The following PLCG2 variants were observed in gnomAD, a reference collection of about 807,000 sequenced individuals.
PLCG2 encodes phospholipase C gamma 2.
PLCG2 carries 69 observed loss-of-function variants against 175.6 expected under a neutral mutation model. The observed-to-expected ratio is 0.39, with a 90% CI of 0.32 to 0.48. The LOEUF is 0.48. PLCG2 is among the 20% of genes least tolerant of loss of function. The probability of loss-of-function intolerance (pLI) is 0.91; values close to 1 mark genes in which losing one functional copy is unlikely to be tolerated. For synonymous variants in PLCG2, 827 were observed against 624.0 expected, an observed-to-expected ratio of 1.33 and a Z score of -4.85; for missense variants, 1,798 against 1,650.9, an observed-to-expected ratio of 1.09 and a Z score of -1.54.
intron 22 of PLCG2, among the ~76,000 whole-genome samples, chr16:81,926,015 A>G (rs929459175): frequency 6.6e-6 from 1 of 152,220 alleles, no homozygotes. Flanking sequence ...CCACAGAGGA[A>G]GAGTGCTCAG....
In PLCG2 at chr16:81,961,859, C is replaced by G. The variant is rs1467542858; in HGVS notation, c.*3861C>G. ...TTTTAGATGTCAATATAGCAATGTG[C>G]AAGAAGATAGAGATTTTCAAAATTC... On this transcript the variant is annotated 3_prime_UTR_variant, in exon 33 of 33. Transcript: ENST00000564138. 2 of 200,466 alleles carry G rather than the reference C, an allele frequency of 1.0e-5. No individual in the cohort carries two copies. The highest frequency in any genetic ancestry group is 4.6e-5 in the African/African-American group (2 of 43,462). The allele number at this position is 200,466 out of a possible 1,614,324, so 12.4% of individuals were successfully genotyped here.
chr16:81,860,570 C>T (rs1440379433), intron 5 of PLCG2, among the ~76,000 whole-genome samples: 1 of 152,154 alleles, frequency 6.6e-6, no homozygotes, highest in Non-Finnish European at 1.5e-5. Context: ...GCAACCGAGG[C>T]AACCAAGTGT....
At chr16:81,807,025 C>CG (rs774579846) in intron 2 of PLCG2, among the ~76,000 whole-genome samples, 1 of 152,138 alleles carries the variant, frequency 6.6e-6, no homozygotes, top group East Asian at 1.9e-4. Flanking sequence ...CCTCGGGCTG[C>CG]TCTGGTTGGC....
intron 21 of PLCG2, among the ~76,000 whole-genome samples, chr16:81,921,850 A>C (rs952299011): frequency 1.3e-5 from 2 of 152,262 alleles, no homozygotes; most frequent in African/African-American, 4.8e-5. Context: ...GGCTCTGTTG[A>C]AATCCAGAGA....
In PLCG2 at chr16:81,956,729, A is replaced by G. The variant is rs1433517299; in HGVS notation, c.3605A>G (p.Gln1202Arg). 1.2e-6 allele frequency: 2 copies of G among 1,614,134 alleles called. No individual in the cohort carries two copies. Among genetic ancestry groups the G allele is most frequent in the East Asian group, 2.2e-5 (1 of 44,876 alleles). ...SEEELYSSCRQLRRRQEELNN... is the reference protein window; with the variant it reads ...SEEELYSSCRRLRRRQEELNN... ...GAGGAACTTTACTCCTCCTGTCGCC[A>G]GCTGAGGAGGCGGCAAGAAGAACTG... The change falls in exon 32 of 33, where the codon CAG (glutamine) becomes CGG (arginine). Residue 1202 changes from glutamine to arginine, a missense_variant. Physicochemically the swap from Gln to Arg is conservative, Grantham distance 43. Transcript: ENST00000564138.
intron 5 of PLCG2, among the ~76,000 whole-genome samples, chr16:81,861,675 T>A (rs556761379): frequency 3.5e-4 from 53 of 152,286 alleles, no homozygotes; most frequent in African/African-American, 1.2e-3. Flanking sequence ...CTCTTCTGAC[T>A]TTTCTTTCTC....
rs186637148 is a variant in PLCG2, at chr16:81,899,855, C to G, written c.1194-757C>G. Among the ~76,000 whole-genome samples the G allele has an allele frequency of 9.5e-4, 144 of 152,294 alleles. 1 individual carries two copies. Among genetic ancestry groups the G allele is most frequent in the African/African-American group, 3.3e-3 (136 of 41,558 alleles). ...TCAGGTGTCTTTAAACAGAAACACA[C>G]ATAAAACAACGTCAGATATTGATTC... On this transcript the variant is annotated intron_variant, in intron 13 of 32. Coordinates refer to ENST00000564138, the MANE Select transcript of PLCG2 (RefSeq NM_002661.5).
At chr16:81,797,782 G>A (rs1375393843) in intron 2 of PLCG2, among the ~76,000 whole-genome samples, 2 of 152,084 alleles carry the variant, frequency 1.3e-5, no homozygotes, top group South Asian at 2.1e-4. Context: ...TAGTGACTGT[G>A]TGACCTTAGG....
At chr16:81,769,058 T>G (rs1298633138) in intron 2 of PLCG2, among the ~76,000 whole-genome samples, 1 of 152,184 alleles carries the variant, frequency 6.6e-6, no homozygotes, top group Admixed American at 6.5e-5. Context: ...AATGAGTCCA[T>G]TCATGGAATG....
At chr16:81,892,077 T>G (rs1441192259) in intron 11 of PLCG2, among the ~76,000 whole-genome samples, 2 of 152,036 alleles carry the variant, frequency 1.3e-5, no homozygotes, top group East Asian at 1.9e-4. Context: ...CTTGCTGATG[T>G]GGGGAGCAGG....
intron 2 of PLCG2, among the ~76,000 whole-genome samples, chr16:81,842,327 G>A (rs1007919531): frequency 2.0e-5 from 3 of 152,204 alleles, no homozygotes; most frequent in Admixed American, 2.0e-4. Flanking sequence ...CTCCTGATGT[G>A]GATGGAGATG....
intron 28 of PLCG2, 32 bp from the exon 29 acceptor site, chr16:81,938,769 G>C (rs779782608): frequency 5.1e-6 from 7 of 1,378,948 alleles, no homozygotes; most frequent in Middle Eastern, 1.8e-4. Context: ...AGGACCCCAG[G>C]GGGGTTCCAA....
chr16:81,858,675 T>C (rs886189759), intron 4 of PLCG2, among the ~76,000 whole-genome samples: 2 of 152,184 alleles, frequency 1.3e-5, no homozygotes, highest in African/African-American at 4.8e-5. Context: ...AGAGATTCAG[T>C]GGACTGATCA....
At chr16:81,751,099 G>A (rs1269825702) in intron 1 of PLCG2, among the ~76,000 whole-genome samples, 1 of 145,892 alleles carries the variant, frequency 6.9e-6, no homozygotes, top group East Asian at 2.1e-4. Flanking sequence ...TCCTGCCTCA[G>A]CCTCCTCAGT....
intron 7 of PLCG2, among the ~76,000 whole-genome samples, chr16:81,879,330 A>T (rs1907967569): frequency 6.6e-6 from 1 of 152,206 alleles, no homozygotes; most frequent in Non-Finnish European, 1.5e-5. Flanking sequence ...AATCTGCAAC[A>T]CCACCCCTTT....
Position 81,959,104 on chromosome 16 carries a change from GGA to G in PLCG2, c.*1110_*1111del, listed in dbSNP as rs1911686062. On this transcript the variant is annotated 3_prime_UTR_variant, in exon 33 of 33. Coordinates refer to ENST00000564138, the MANE Select transcript of PLCG2 (RefSeq NM_002661.5). ...ATGTAATATGGCTTTTTAAAGGAGA[GGA>G]GAGTGCTGGGTTGGGAAGGGAGGTG... 3 of 223,808 alleles carry G rather than the reference GGA, an allele frequency of 1.3e-5. No homozygotes were observed. Among genetic ancestry groups the G allele is most frequent in the East Asian group, 6.5e-5 (1 of 15,408 alleles). 13.9% of individuals were successfully genotyped at this position (223,808 alleles called of 1,614,324 possible).
chr16:81,854,430 T>G lies in PLCG2; in HGVS notation c.194-14T>G, dbSNP rs1906579213. 6.2e-7 allele frequency: 1 copy of G among 1,613,160 alleles called. No individual in the cohort carries two copies. Among genetic ancestry groups the G allele is most frequent in the Non-Finnish European group, 8.5e-7 (1 of 1,179,312 alleles). The stretch of plus-strand genomic sequence containing the variant: ...ACTCCAGCTTCTAATTGGCTCATGT[T>G]AATTTCATTTTAGTGGATATCATGG... On this transcript the variant is annotated splice_polypyrimidine_tract_variant and intron_variant, in intron 2 of 32. Coordinates refer to ENST00000564138, the MANE Select transcript of PLCG2 (RefSeq NM_002661.5).
intron 2 of PLCG2, among the ~76,000 whole-genome samples, chr16:81,849,484 C>T (rs888037317): frequency 6.6e-6 from 1 of 152,110 alleles, no homozygotes; most frequent in Non-Finnish European, 1.5e-5. Flanking sequence ...CTTGGCTGGG[C>T]GTGGTAGCTT....
At position 81,959,865 on chromosome 16, in the gene PLCG2, A is replaced by C. The variant is rs35152444; in HGVS notation, c.*1867A>C. 1 of 187,450 alleles carries C rather than the reference A, an allele frequency of 5.3e-6. No individual in the cohort carries two copies. Among genetic ancestry groups the C allele is most frequent in the Non-Finnish European group, 1.1e-5 (1 of 88,970 alleles). 11.6% of individuals were successfully genotyped at this position (187,450 alleles called of 1,614,324 possible). On this transcript the variant is annotated 3_prime_UTR_variant, in exon 33 of 33. Coordinates refer to ENST00000564138, the MANE Select transcript of PLCG2 (RefSeq NM_002661.5). Reference sequence around the variant, plus strand: ...ACAGCAGAGCTCAGGTGTTGCTGTCATTACCTCCTTTCAGCTCCTCACTTC... The same window carrying C: ...ACAGCAGAGCTCAGGTGTTGCTGTCCTTACCTCCTTTCAGCTCCTCACTTC...
Sources: allele counts gnomAD v4.1 joint callset (sites outside exome capture counted in the v4.1 genomes callset), GRCh38; gene constraint gnomAD v4.1.1; transcripts MANE v1.5; gene names NCBI Gene and HGNC (gene_info 2026-07-23, HGNC 2026-07-21).